NSD1: variants seen among roughly 807,000 people sequenced by gnomAD.
NSD1 encodes the protein nuclear receptor binding SET domain protein 1, also known as histone-lysine N-methyltransferase, H3 lysine-36 specific.
NSD1 carries 26 observed loss-of-function variants against 242.7 expected under a neutral mutation model. That is an observed-to-expected ratio of 0.11 (90% CI 0.08 to 0.15). The LOEUF (loss-of-function observed/expected upper bound fraction) is 0.15, where lower values mean the gene tolerates loss of function less well. NSD1 is among the 10% of genes least tolerant of loss of function. The pLI, the probability that NSD1 is intolerant of heterozygous loss-of-function variation, is 1.00. For synonymous variants in NSD1, 1,106 were observed against 1,178.1 expected, an observed-to-expected ratio of 0.94 and a Z score of 1.25; for missense variants, 2,495 against 3,272.8, an observed-to-expected ratio of 0.76 and a Z score of 5.80.
At chr5:177,139,647 A>G (rs762067307) in intron 2 of NSD1, among the ~76,000 whole-genome samples, 2 of 152,086 alleles carry the variant, frequency 1.3e-5, no homozygotes, top group East Asian at 1.9e-4. Context: ...GCAAATTGCT[A>G]TTTGTCTCTT....
chr5:177,204,315 T>TA (rs1166342126), intron 4 of NSD1, 23 bp downstream of exon 4: 1 of 1,605,806 alleles, frequency 6.2e-7, no homozygotes, highest in East Asian at 2.2e-5. Flanking sequence ...AAAGGCTTTT[T>TA]ATTGAGTGAC....
rs559008101 is a variant in NSD1 at position 177,221,387 on chromosome 5, G to C, written c.3796+9192G>C. 1.7e-4 allele frequency among the ~76,000 whole-genome samples: 26 copies of C among 151,384 alleles called. No individual in the cohort carries two copies. In the Middle Eastern group the frequency reaches 0.01, roughly 59 times the overall value. ...AGGCATTTTCCATGTTGTTACCATG[G>C]GGCTTAAATAAAACATCTTACAGGT... is the stretch of plus-strand genomic sequence containing the variant. On this transcript the variant is annotated intron_variant, in intron 5 of 22. Transcript: ENST00000439151.
intron 2 of NSD1, among the ~76,000 whole-genome samples, chr5:177,180,443 C>T (rs963462843): frequency 6.6e-6 from 1 of 151,904 alleles, no homozygotes; most frequent in Non-Finnish European, 1.5e-5. Context: ...CTTGGTATCT[C>T]GAGGGTCTTG....
chr5:177,157,923 G>A (rs1758270409), intron 2 of NSD1, among the ~76,000 whole-genome samples: 1 of 152,138 alleles, frequency 6.6e-6, no homozygotes, highest in Non-Finnish European at 1.5e-5. Flanking sequence ...TTATGTTGTT[G>A]TATGTATGCA....
chr5:177,171,048 C>T (rs1369532030), intron 2 of NSD1, among the ~76,000 whole-genome samples: 3 of 150,052 alleles, frequency 2.0e-5, no homozygotes, highest in Admixed American at 6.7e-5. Flanking sequence ...CCGGGCGGGG[C>T]GTGGTGGCTC....
At chr5:177,163,238 G>A (rs1224072289) in intron 2 of NSD1, among the ~76,000 whole-genome samples, 1 of 151,622 alleles carries the variant, frequency 6.6e-6, no homozygotes, top group African/African-American at 2.4e-5. Flanking sequence ...CACCTACTGG[G>A]TTCAAGTGAT....
chr5:177,154,030 A>C (rs1001785115), intron 2 of NSD1, among the ~76,000 whole-genome samples: 1 of 152,114 alleles, frequency 6.6e-6, no homozygotes, highest in African/African-American at 2.4e-5. Context: ...ATGAATTTAC[A>C]GTCAAGATGT....
intron 13 of NSD1, 24 bp downstream of exon 13, chr5:177,257,175 G>A (rs2149912839): frequency 6.4e-7 from 1 of 1,553,138 alleles, no homozygotes. Context: ...ATGTGGACCA[G>A]TCTAATTGTA....
At chr5:177,200,103 T>G (rs963879598) in intron 3 of NSD1, among the ~76,000 whole-genome samples, 2 of 150,706 alleles carry the variant, frequency 1.3e-5, no homozygotes, top group South Asian at 2.1e-4. Context: ...GTTTTTTTTT[T>G]GTTTTGTTTT....
At chr5:177,136,377 C>A (rs1756331631) in intron 2 of NSD1, 2 of 212,716 alleles carry the variant, frequency 9.4e-6, no homozygotes, top group Admixed American at 1.1e-4. Flanking sequence ...ACCATGAGTG[C>A]AGGTGAACCA....
At chr5:177,252,953 A>G (rs190242948) in intron 12 of NSD1, among the ~76,000 whole-genome samples, 12 of 152,212 alleles carry the variant, frequency 7.9e-5, no homozygotes, top group Admixed American at 7.9e-4. Flanking sequence ...GGGTAGGATA[A>G]TGGTCAGTGA....
intron 2 of NSD1, among the ~76,000 whole-genome samples, chr5:177,159,030 G>GATATATATATATATATATGAATGATAT (rs1758500934): frequency 8.8e-6 from 1 of 113,868 alleles, no homozygotes; most frequent in African/African-American, 4.3e-5. Context: ...ATATATGAAT[G>GATATATATATATATATATGAATGATAT]ATATATATAT....
chr5:177,202,796 T>C (rs751269239), intron 3 of NSD1, among the ~76,000 whole-genome samples: 20 of 152,356 alleles, frequency 1.3e-4, no homozygotes, highest in South Asian at 4.1e-4. Context: ...GTGATTTTTA[T>C]TGAAGGATTT....
intron 17 of NSD1, among the ~76,000 whole-genome samples, chr5:177,277,552 T>C (rs1758497236): frequency 6.6e-6 from 1 of 152,224 alleles, no homozygotes; most frequent in African/African-American, 2.4e-5. Context: ...TTCTTAACCA[T>C]GTGGGATTTG....
At chr5:177,200,109 G>A (rs922345056) in intron 3 of NSD1, among the ~76,000 whole-genome samples, 1 of 148,904 alleles carries the variant, frequency 6.7e-6, no homozygotes, top group Non-Finnish European at 1.5e-5. Flanking sequence ...TTTTTGTTTT[G>A]TTTTGTTGAG....
chr5:177,267,478 AAT>A (rs148337854), intron 14 of NSD1, 82 bp from the exon 15 acceptor site: 1,049 of 1,116,110 alleles, frequency 9.4e-4, no homozygotes, highest in Middle Eastern at 1.2e-3. Context: ...AGAGAAAGAA[AAT>A]ATATATATAT....
At chr5:177,195,792 T>C (rs937940281) in intron 3 of NSD1, among the ~76,000 whole-genome samples, 2 of 152,198 alleles carry the variant, frequency 1.3e-5, no homozygotes, top group African/African-American at 4.8e-5. Context: ...TTCTTATGCA[T>C]ACTAGTTGAG....
intron 14 of NSD1, chr5:177,265,711 G>T: frequency 1.9e-6 from 3 of 1,606,860 alleles, no homozygotes; most frequent in Non-Finnish European, 2.6e-6. Context: ...CCGTCTTCAA[G>T]GTCAGGTAGT....
chr5:177,176,671 T>C (rs538943709), intron 2 of NSD1, among the ~76,000 whole-genome samples: 1 of 152,342 alleles, frequency 6.6e-6, no homozygotes, highest in South Asian at 2.1e-4. Context: ...CTGTAAAATC[T>C]GGTTATGTCA....
Sources: allele counts gnomAD v4.1 joint callset (sites outside exome capture counted in the v4.1 genomes callset), GRCh38; gene constraint gnomAD v4.1.1; transcripts MANE v1.5; gene names NCBI Gene and HGNC (gene_info 2026-07-23, HGNC 2026-07-21).